Variants in CYTH3 observed in about 807,000 individuals in gnomAD.
CYTH3 encodes cytohesin-3.
A neutral mutation model predicts 55.1 loss-of-function variants in CYTH3; 23 were observed. The observed-to-expected ratio is 0.42, with a 90% CI of 0.30 to 0.59. The LOEUF is 0.59. CYTH3 is among the 20% of genes least tolerant of loss of function. The pLI is 0.20. For missense variants in CYTH3, 413 were observed against 524.8 expected, an observed-to-expected ratio of 0.79 and a Z score of 2.08; for synonymous variants, 249 against 194.9, an observed-to-expected ratio of 1.28 and a Z score of -2.31.
chr7:6,258,110 C>CA lies in CYTH3; in HGVS notation c.34+14363dup, dbSNP rs1212413746. Among the ~76,000 whole-genome samples the CA allele has an allele frequency of 3.9e-5, 6 of 151,934 alleles. 1 individual carries two copies. In the East Asian group the frequency reaches 9.6e-4, roughly 24 times the overall value. On this transcript the variant is annotated intron_variant, in intron 1 of 12. Coordinates refer to ENST00000350796, the MANE Select transcript of CYTH3 (RefSeq NM_004227.4). ...GCAACGTAGCAAGATCTTGTCTCTA[C>CA]AAAAAATATTTTTTGTTTCTTTGGT...
At chr7:6,208,211 A>G (rs1784240689) in intron 1 of CYTH3, among the ~76,000 whole-genome samples, 1 of 152,246 alleles carries the variant, frequency 6.6e-6, no homozygotes, top group Non-Finnish European at 1.5e-5. Context: ...CAATCAGGGC[A>G]GTCATTGCAA....
At chr7:6,186,860 A>G (rs1256153438) in intron 4 of CYTH3, among the ~76,000 whole-genome samples, 190 bp downstream of exon 4, 2 of 152,244 alleles carry the variant, frequency 1.3e-5, no homozygotes, top group Non-Finnish European at 2.9e-5. Context: ...CCAGGGCACC[A>G]GCCCTACAAG....
chr7:6,235,215 C>T (rs951821835), intron 1 of CYTH3, among the ~76,000 whole-genome samples: 2 of 152,238 alleles, frequency 1.3e-5, no homozygotes, highest in African/African-American at 4.8e-5. Context: ...GTGGCTCACG[C>T]CTGTAATCTC....
Position 6,186,894 on chromosome 7 carries a change from C to G in CYTH3, c.249+156G>C, listed in dbSNP as rs563807281. Among the ~76,000 whole-genome samples the G allele has an allele frequency of 2.0e-5, 3 of 152,344 alleles. No homozygotes were observed. The East Asian group carries it at 5.8e-4, about 29-fold the overall frequency. On this transcript the variant is annotated intron_variant, in intron 4 of 12. Coordinates refer to ENST00000350796, the MANE Select transcript of CYTH3 (RefSeq NM_004227.4). ...AGGCACTTCTGCTTCACCCCACTCG[C>G]GAAAAGCCCCTTTTTGATAAAAATG...
intron 4 of CYTH3, among the ~76,000 whole-genome samples, chr7:6,179,292 G>A (rs1316812370): frequency 6.6e-6 from 1 of 152,114 alleles, no homozygotes; most frequent in Non-Finnish European, 1.5e-5. Context: ...ATTCACAGAA[G>A]GTTTTAAAAA....
At chr7:6,253,543 C>A (rs1171497331) in intron 1 of CYTH3, among the ~76,000 whole-genome samples, 1 of 152,008 alleles carries the variant, frequency 6.6e-6, no homozygotes, top group East Asian at 1.9e-4. Flanking sequence ...AACAGCCGGG[C>A]ACGGTGGCTC....
At chr7:6,253,066 T>A (rs573554386) in intron 1 of CYTH3, among the ~76,000 whole-genome samples, 1 of 152,252 alleles carries the variant, frequency 6.6e-6, no homozygotes, top group East Asian at 1.9e-4. Context: ...TTACCTTGAA[T>A]CAAAATGATT....
At chr7:6,231,265 A>G (rs2128553608) in intron 1 of CYTH3, among the ~76,000 whole-genome samples, 1 of 152,350 alleles carries the variant, frequency 6.6e-6, no homozygotes, top group Non-Finnish European at 1.5e-5. Flanking sequence ...GATAAACTCT[A>G]CGAGAGAAAA....
At chr7:6,197,047 AAC>A (rs1284915594) in intron 1 of CYTH3, among the ~76,000 whole-genome samples, 1 of 152,216 alleles carries the variant, frequency 6.6e-6, no homozygotes, top group African/African-American at 2.4e-5. Context: ...GTTGGTTGTT[AAC>A]ACAGAGTGAA....
chr7:6,164,637 T>C lies in CYTH3; in HGVS notation c.*307A>G. The C allele has an allele frequency of 2.4e-6, 1 of 418,528 alleles. No homozygotes were observed. Among genetic ancestry groups the C allele is most frequent in the Non-Finnish European group, 4.4e-6 (1 of 229,234 alleles). 25.9% of individuals were successfully genotyped at this position (418,528 alleles called of 1,614,324 possible). A position where few individuals can be genotyped will look rare whatever the true frequency, so the allele number is the denominator to read the frequency against. On this transcript the variant is annotated 3_prime_UTR_variant, in exon 13 of 13. Transcript: ENST00000350796. ...TCTCCCCCTAGGGGCGCCGGGATGGTCGCAGGAAGGAAATGCTTCTGGACA... is the reference window on the plus strand; with the variant it reads ...TCTCCCCCTAGGGGCGCCGGGATGGCCGCAGGAAGGAAATGCTTCTGGACA...
chr7:6,195,607 A>G (rs1783906030), intron 1 of CYTH3, among the ~76,000 whole-genome samples: 1 of 152,140 alleles, frequency 6.6e-6, no homozygotes, highest in African/African-American at 2.4e-5. Flanking sequence ...GGTGCCTGCC[A>G]TCACGCCCGG....
At chr7:6,215,148 A>C (rs1562391669) in intron 1 of CYTH3, among the ~76,000 whole-genome samples, 1 of 152,196 alleles carries the variant, frequency 6.6e-6, no homozygotes, top group African/African-American at 2.4e-5. Flanking sequence ...CATGGAGCAC[A>C]TGAGAGTTGA....
chr7:6,246,441 TC>T (rs572950905), intron 1 of CYTH3, among the ~76,000 whole-genome samples: 1 of 152,102 alleles, frequency 6.6e-6, no homozygotes, highest in Non-Finnish European at 1.5e-5. Context: ...CATGACCTTA[TC>T]CTGTGATCAA....
rs1211397667 is a variant in CYTH3, at chr7:6,169,200, T to A, written c.823+1335A>T. 6.6e-6 allele frequency among the ~76,000 whole-genome samples: 1 copy of A among 152,168 alleles called. No individual in the cohort carries two copies. Among genetic ancestry groups the A allele is most frequent in the Non-Finnish European group, 1.5e-5 (1 of 68,026 alleles). On this transcript the variant is annotated intron_variant, in intron 9 of 12. Coordinates refer to ENST00000350796, the MANE Select transcript of CYTH3 (RefSeq NM_004227.4). The surrounding 1 kb of genome is among the most constrained non-coding windows in gnomAD (Gnocchi z 4.1). ...CACCAGCTGAGGAGGCCTGTGCCCG[T>A]CACACCGTGTCTCACCCTTCCTTGA...
chr7:6,190,127 G>C (rs1173490728), intron 2 of CYTH3, among the ~76,000 whole-genome samples: 3 of 152,190 alleles, frequency 2.0e-5, no homozygotes, highest in Non-Finnish European at 4.4e-5. Context: ...TGCGCTCGTG[G>C]CTTGCTGCTG....
intron 1 of CYTH3, among the ~76,000 whole-genome samples, chr7:6,201,709 A>T (rs1281987266): frequency 6.6e-6 from 1 of 152,214 alleles, no homozygotes; most frequent in Admixed American, 6.5e-5. Context: ...AACAGCATGT[A>T]AATAAGAAGG....
intron 1 of CYTH3, among the ~76,000 whole-genome samples, chr7:6,266,800 T>C (rs1331290313): frequency 6.6e-6 from 1 of 152,190 alleles, no homozygotes; most frequent in Non-Finnish European, 1.5e-5. Context: ...ACATGATTAT[T>C]TTATATATAG....
intron 5 of CYTH3, among the ~76,000 whole-genome samples, chr7:6,177,266 A>G (rs1783375928): frequency 6.6e-6 from 1 of 152,254 alleles, no homozygotes; most frequent in South Asian, 2.1e-4. Flanking sequence ...TTTAGGAACT[A>G]CTGGGCTTTT....
chr7:6,180,192 G>A (rs1363415283), intron 4 of CYTH3, among the ~76,000 whole-genome samples: 2 of 152,216 alleles, frequency 1.3e-5, no homozygotes, highest in African/African-American at 4.8e-5. Flanking sequence ...GACCCTGCAT[G>A]GTGAAGGCCC....
Sources: gnomAD v4.1 joint callset for allele counts (sites outside exome capture counted in the v4.1 genomes callset) on GRCh38, gnomAD v4.1.1 for gene constraint, Gnocchi (gnomAD v3.1) non-coding constraint, MANE v1.5 for transcripts, NCBI Gene and HGNC (gene_info 2026-07-23, HGNC 2026-07-21) for gene names.